Variants in PADI3 observed in about 807,000 individuals in gnomAD.
The protein encoded by PADI3 is protein-arginine deiminase type-3.
Under a neutral mutation model 71.5 loss-of-function variants are expected in PADI3, and 53 were observed. The ratio of observed to expected loss-of-function variants is 0.74; its 90% confidence interval spans 0.59 to 0.93. The LOEUF (loss-of-function observed/expected upper bound fraction) is 0.93, where lower values mean the gene tolerates loss of function less well. Ranked by LOEUF, PADI3 falls within the 40% of genes least tolerant of loss-of-function variation. PADI3 has a pLI of 0.00. For missense variants in PADI3, 821 were observed against 868.0 expected (o/e 0.95, Z 0.68); for synonymous variants, 361 against 347.5 (o/e 1.04, Z -0.43).
chr1:17,281,645 G>A (rs1209128846), intron 15 of PADI3, among the ~76,000 whole-genome samples: 1 of 152,136 alleles, frequency 6.6e-6, no homozygotes, highest in Non-Finnish European at 1.5e-5. Context: ...TAGAGATGGA[G>A]TTTTGCCATG....
chr1:17,282,785 T>G, intron 15 of PADI3, 61 bp from the exon 16 acceptor site: 1 of 1,253,128 alleles, frequency 8.0e-7, no homozygotes, highest in Non-Finnish European at 1.1e-6. Context: ...GTCCTGCAGG[T>G]AGAGTAGAGG....
chr1:17,278,374 T>C (rs1406242381), intron 13 of PADI3, among the ~76,000 whole-genome samples: 2 of 152,066 alleles, frequency 1.3e-5, no homozygotes, highest in African/African-American at 4.8e-5. Flanking sequence ...ACCACAGGCA[T>C]GCACCACCAC....
At position 17,259,650 on chromosome 1, in the gene PADI3, C is replaced by A. The variant is rs2073076605; in HGVS notation, c.165C>A (p.Asn55Lys). 6.2e-7 allele frequency: 1 copy of A among 1,613,730 alleles called. No individual in the cohort carries two copies. Among genetic ancestry groups the A allele is most frequent in the African/African-American group, 1.3e-5 (1 of 74,944 alleles). The change falls in exon 2 of 16, where the codon AAC becomes AAA. Residue 55 changes from asparagine (N) to lysine (K), a missense_variant. Asn to Lys is a moderately conservative substitution (Grantham distance 94). Transcript: ENST00000375460. ...GCGTGGACATCTACATCTCTCCCAA[C>A]ATGGAGAGGGGCCGGGAGCGTGCAG... ...TPGVDIYISPNMERGRERADT... is the reference protein window; with the variant it reads ...TPGVDIYISPKMERGRERADT...
intron 1 of PADI3, among the ~76,000 whole-genome samples, chr1:17,252,619 G>A (rs1455936180): frequency 6.6e-6 from 1 of 152,126 alleles, no homozygotes; most frequent in East Asian, 1.9e-4. Flanking sequence ...GCCCGGGCTG[G>A]TCTTGAACTC....
intron 2 of PADI3, among the ~76,000 whole-genome samples, chr1:17,260,285 C>T (rs544277195): frequency 6.6e-6 from 1 of 152,124 alleles, no homozygotes; most frequent in East Asian, 1.9e-4. Flanking sequence ...CTCTTCCTGA[C>T]CCTATTTGCA....
Position 17,274,748 on chromosome 1 carries a change from C to A in PADI3, c.1269C>A (p.Tyr423Ter), listed in dbSNP as rs747887099. Residue 423 changes from tyrosine to a stop codon, truncating the protein, a stop_gained, in exon 11 of 16, where the codon TAC (tyrosine) becomes TAA (stop). Coordinates refer to ENST00000375460, the MANE Select transcript of PADI3 (RefSeq NM_016233.2). LOFTEE classifies it high-confidence loss of function. ...CAGTGGTGGCCAATGGGAAAGAGTA[C>A]CCCCTGGGGAGGATCCTCATTGGGG... Reference protein sequence around the residue: ...SPPVVANGKEYPLGRILIGGN... With the variant: ...SPPVVANGKE 4 of 1,613,150 alleles carry A rather than the reference C, an allele frequency of 2.5e-6. No individual in the cohort carries two copies. The highest frequency in any genetic ancestry group is 2.2e-5 in the East Asian group (1 of 44,796).
chr1:17,278,330 C>T (rs752247296), intron 13 of PADI3, among the ~76,000 whole-genome samples: 2 of 152,068 alleles, frequency 1.3e-5, no homozygotes, highest in Non-Finnish European at 2.9e-5. Flanking sequence ...CAGACTTAAG[C>T]GAGTCTCCCA....
At chr1:17,266,926 G>T in intron 5 of PADI3, 90 bp downstream of exon 5, 1 of 998,330 alleles carries the variant, frequency 1.0e-6, no homozygotes, top group South Asian at 1.3e-5. Context: ...AGACTCTGAG[G>T]CCAGAGTCCA....
At chr1:17,252,923 AC>A (rs2072984121) in intron 1 of PADI3, among the ~76,000 whole-genome samples, 1 of 152,044 alleles carries the variant, frequency 6.6e-6, no homozygotes, top group Admixed American at 6.5e-5. Context: ...GGGATTCATC[AC>A]AGGTGGGCTT....
rs2073440400 is a variant in PADI3, at chr1:17,284,230, C to G, written c.*1151C>G. 2 of 152,168 alleles carry G rather than the reference C, an allele frequency of 1.3e-5. No homozygotes were observed. Among genetic ancestry groups the G allele is most frequent in the Admixed American group, 1.3e-4 (2 of 15,276 alleles). 9.4% of individuals were successfully genotyped at this position (152,168 alleles called of 1,614,324 possible). A position where few individuals can be genotyped will look rare whatever the true frequency, so the allele number is the denominator to read the frequency against. The stretch of plus-strand genomic sequence containing the variant: ...ACTCGCTAATAAATCAACAGAAACA[C>G]AAATGGCTTGGCTCTCATGTTGACC... On this transcript the variant is annotated 3_prime_UTR_variant, in exon 16 of 16. Transcript: ENST00000375460.
chr1:17,274,837 G>A, intron 11 of PADI3, 51 bp downstream of exon 11: 1 of 1,579,992 alleles, frequency 6.3e-7, no homozygotes. Flanking sequence ...TGAGGGTTGG[G>A]GGTGGTGATG....
At chr1:17,257,202 G>C (rs1313568852) in intron 1 of PADI3, among the ~76,000 whole-genome samples, 1 of 151,944 alleles carries the variant, frequency 6.6e-6, no homozygotes, top group Non-Finnish European at 1.5e-5. Flanking sequence ...CATCTCGCTG[G>C]GTCTCTCCAA....
chr1:17,268,037 C>T lies in PADI3; in HGVS notation c.652+75C>T, dbSNP rs531488209. 2.8e-5 allele frequency: 44 copies of T among 1,575,400 alleles called. No individual in the cohort carries two copies. The East Asian group carries it at 9.4e-4, about 34-fold the overall frequency. The stretch of plus-strand genomic sequence containing the variant: ...CCTACCAGGGAACCTCCTGTTCCTG[C>T]CTTGGGCCATGGGCAGGTCCTGCTT... On this transcript the variant is annotated intron_variant, in intron 6 of 15. Coordinates refer to ENST00000375460, the MANE Select transcript of PADI3 (RefSeq NM_016233.2).
At chr1:17,280,295 T>G in intron 13 of PADI3, 55 bp from the exon 14 acceptor site, 1 of 1,369,762 alleles carries the variant, frequency 7.3e-7, no homozygotes, top group East Asian at 2.3e-5. Context: ...CCTAAGCAGG[T>G]GGTCCTCACG....
Position 17,271,141 on chromosome 1 carries a change from G to A in PADI3, c.1010G>A (p.Cys337Tyr). ...AAGGCCGGCTGCAAGCTGACCATCT[G>A]CCCACAGGCCGAGAACCGCAACGAC... ...ARKAGCKLTICPQAENRNDRW... is the reference protein window; with the variant it reads ...ARKAGCKLTIYPQAENRNDRW... Residue 337 changes from cysteine (C) to tyrosine (Y), a missense_variant, in exon 9 of 16, where the codon TGC becomes TAC. Cys to Tyr is a radical substitution (Grantham distance 194, BLOSUM62 -2). Transcript: ENST00000375460. 6.2e-7 allele frequency: 1 copy of A among 1,613,632 alleles called. No individual in the cohort carries two copies. Among genetic ancestry groups the A allele is most frequent in the Non-Finnish European group, 8.5e-7 (1 of 1,180,008 alleles).
intron 8 of PADI3, 40 bp downstream of exon 8, chr1:17,271,022 GC>G: frequency 6.2e-7 from 1 of 1,613,060 alleles, no homozygotes; most frequent in Non-Finnish European, 8.5e-7. Context: ...TGGCCCCCAG[GC>G]CCCGGCTCCA....
At chr1:17,263,062 A>G (rs1217818538) in intron 3 of PADI3, among the ~76,000 whole-genome samples, 1 of 152,150 alleles carries the variant, frequency 6.6e-6, no homozygotes, top group Non-Finnish European at 1.5e-5. Context: ...TTACAGACAC[A>G]TGCCTCCACG....
chr1:17,267,704 G>C (rs2073188754), intron 5 of PADI3, 133 bp from the exon 6 acceptor site: 4 of 977,046 alleles, frequency 4.1e-6, no homozygotes, highest in Admixed American at 2.4e-5. Context: ...ATGGCTTCCA[G>C]GGTTTTCACA....
chr1:17,272,268 G>A (rs1186258129), intron 9 of PADI3, among the ~76,000 whole-genome samples: 1 of 152,092 alleles, frequency 6.6e-6, no homozygotes, highest in Non-Finnish European at 1.5e-5. Flanking sequence ...AACCTTGTGT[G>A]TTCTCCTCTG....
Sources: gnomAD v4.1 joint callset for allele counts (sites outside exome capture counted in the v4.1 genomes callset) on GRCh38, gnomAD v4.1.1 for gene constraint, MANE v1.5 for transcripts, NCBI Gene and HGNC (gene_info 2026-07-23, HGNC 2026-07-21) for gene names.